ROBO1: variants seen among roughly 807,000 people sequenced by gnomAD.
The protein encoded by ROBO1 is roundabout homolog 1.
In ROBO1, 149 loss-of-function variants were observed where a neutral mutation model predicts 195.9. The observed-to-expected ratio is 0.76, with a 90% CI of 0.67 to 0.87. The LOEUF is 0.87. Ranked by LOEUF, ROBO1 falls within the 40% of genes least tolerant of loss-of-function variation. ROBO1 has a pLI of 0.00. For missense variants in ROBO1, 1,933 were observed against 2,068.3 expected (o/e 0.93, Z 1.27); for synonymous variants, 816 against 733.2 (o/e 1.11, Z -1.82).
At chr3:78,788,997 C>G (rs969127530) in intron 4 of ROBO1, among the ~76,000 whole-genome samples, 1 of 152,112 alleles carries the variant, frequency 6.6e-6, no homozygotes, top group Non-Finnish European at 1.5e-5. Flanking sequence ...TGAATTGACT[C>G]ATTTCACTAA....
intron 10 of ROBO1, among the ~76,000 whole-genome samples, chr3:78,674,629 T>C (rs569807884): frequency 6.6e-6 from 1 of 152,286 alleles, no homozygotes; most frequent in Admixed American, 6.5e-5. Flanking sequence ...TAGGGAAGAA[T>C]CCCAAATTCA....
At chr3:79,448,923 T>A (rs2039356792) in intron 2 of ROBO1, among the ~76,000 whole-genome samples, 1 of 152,126 alleles carries the variant, frequency 6.6e-6, no homozygotes, top group African/African-American at 2.4e-5. Flanking sequence ...GGGATGATAA[T>A]TTCTACCTCC....
intron 3 of ROBO1, among the ~76,000 whole-genome samples, chr3:79,103,586 C>A (rs2079718709): frequency 6.6e-6 from 1 of 151,614 alleles, no homozygotes; most frequent in Non-Finnish European, 1.5e-5. Context: ...CGACATCTAA[C>A]AAAAAGCAAA....
intron 30 of ROBO1, among the ~76,000 whole-genome samples, 178 bp from the exon 31 acceptor site, chr3:78,599,105 G>A (rs1398150411): frequency 6.6e-6 from 1 of 152,128 alleles, no homozygotes; most frequent in Non-Finnish European, 1.5e-5. Context: ...GGTCTTCACA[G>A]CAAATTCAAC....
chr3:78,618,155 CATA>C, intron 26 of ROBO1, 114 bp from the exon 27 acceptor site: 1 of 1,130,074 alleles, frequency 8.8e-7, no homozygotes, highest in African/African-American at 1.6e-5. Flanking sequence ...CTTTTGAGCT[CATA>C]TGTTCAGAAA....
intron 3 of ROBO1, among the ~76,000 whole-genome samples, chr3:79,047,803 C>T (rs770847916): frequency 5.3e-5 from 8 of 152,064 alleles, no homozygotes; most frequent in Middle Eastern, 3.4e-3. Context: ...CAAATGAGGA[C>T]GTCCTAGAAG....
chr3:79,095,175 T>C (rs1353424266), intron 3 of ROBO1, among the ~76,000 whole-genome samples: 1 of 152,012 alleles, frequency 6.6e-6, no homozygotes, highest in Non-Finnish European at 1.5e-5. Context: ...CATGTGATCA[T>C]TTAAATAGGT....
intron 3 of ROBO1, among the ~76,000 whole-genome samples, chr3:79,053,354 AC>A (rs1177760197): frequency 2.0e-5 from 3 of 151,544 alleles, no homozygotes; most frequent in African/African-American, 4.8e-5. Context: ...GATTATGGTC[AC>A]CCCCCAATGA....
intron 3 of ROBO1, among the ~76,000 whole-genome samples, chr3:79,070,646 T>A (rs1334776353): frequency 6.6e-6 from 1 of 151,862 alleles, no homozygotes; most frequent in Admixed American, 6.6e-5. Flanking sequence ...GTATTTTTGT[T>A]TGTTTATGTA....
chr3:79,378,936 G>T (rs535185207), intron 2 of ROBO1, among the ~76,000 whole-genome samples: 2 of 152,312 alleles, frequency 1.3e-5, no homozygotes, highest in South Asian at 2.1e-4. Context: ...TTCCTCATCT[G>T]CAAAGCGAGT....
intron 2 of ROBO1, among the ~76,000 whole-genome samples, chr3:79,500,241 T>A (rs1172008028): frequency 6.7e-6 from 1 of 149,390 alleles, no homozygotes; most frequent in Non-Finnish European, 1.5e-5. Flanking sequence ...GCGATTCTCC[T>A]GTCTCAGTCT....
intron 3 of ROBO1, among the ~76,000 whole-genome samples, chr3:79,057,935 C>T (rs570477410): frequency 6.6e-6 from 1 of 152,016 alleles, no homozygotes; most frequent in Admixed American, 6.6e-5. Context: ...AGATACCCCC[C>T]TCTGTGCCTC....
At chr3:78,880,057 CACCAT>C (rs1307906915) in intron 4 of ROBO1, among the ~76,000 whole-genome samples, 2 of 152,032 alleles carry the variant, frequency 1.3e-5, no homozygotes, top group South Asian at 4.1e-4. Context: ...CCTATTAAAG[CACCAT>C]GGTAATTTTG....
intron 2 of ROBO1, among the ~76,000 whole-genome samples, chr3:79,154,415 C>G (rs2080823790): frequency 6.6e-6 from 1 of 151,668 alleles, no homozygotes; most frequent in Non-Finnish European, 1.5e-5. Flanking sequence ...TACATCTTTG[C>G]AATGAAGTTT....
At chr3:79,682,651 C>A (rs1377015057) in intron 1 of ROBO1, among the ~76,000 whole-genome samples, 2 of 152,026 alleles carry the variant, frequency 1.3e-5, no homozygotes, top group African/African-American at 4.8e-5. Flanking sequence ...CATGTACACA[C>A]AAACTACACA....
chr3:79,367,799 T>C (rs1009498165), intron 2 of ROBO1, among the ~76,000 whole-genome samples: 23 of 152,238 alleles, frequency 1.5e-4, no homozygotes, highest in Non-Finnish European at 3.4e-4. Context: ...ACGAGTTTCG[T>C]AGCTTAATAT....
chr3:78,963,818 C>T (rs1292468041), intron 3 of ROBO1, among the ~76,000 whole-genome samples: 3 of 152,040 alleles, frequency 2.0e-5, no homozygotes, highest in African/African-American at 7.2e-5. Context: ...CGCCCCTCCC[C>T]TTCAGATTCT....
intron 2 of ROBO1, among the ~76,000 whole-genome samples, chr3:79,169,443 T>G (rs2081129291): frequency 6.6e-6 from 1 of 152,250 alleles, no homozygotes; most frequent in East Asian, 1.9e-4. Context: ...TTGTTTTGTC[T>G]GTAGAAATGC....
At chr3:79,126,235 G>A (rs1164459510) in intron 2 of ROBO1, among the ~76,000 whole-genome samples, 1 of 152,164 alleles carries the variant, frequency 6.6e-6, no homozygotes, top group African/African-American at 2.4e-5. Context: ...ACATTCCAAA[G>A]TATTGGATAT....
Sources: gnomAD v4.1 joint callset for allele counts (sites outside exome capture counted in the v4.1 genomes callset) on GRCh38, gnomAD v4.1.1 for gene constraint, MANE v1.5 for transcripts, NCBI Gene and HGNC (gene_info 2026-07-23, HGNC 2026-07-21) for gene names.